The following JCAD variants were observed in gnomAD, a reference collection of about 807,000 sequenced individuals.
JCAD encodes junctional cadherin 5 associated.
A neutral mutation model predicts 98.0 loss-of-function variants in JCAD; 40 were observed. The ratio of observed to expected loss-of-function variants is 0.41; its 90% CI spans 0.32 to 0.53. The LOEUF is 0.53. Among genes scored for constraint, JCAD ranks in the 20% least tolerant of loss-of-function variants. The probability of loss-of-function intolerance (pLI) is 0.31; values close to 1 mark genes in which losing one functional copy is unlikely to be tolerated. For synonymous variants in JCAD, 691 were observed against 682.3 expected, an observed-to-expected ratio of 1.01 and a Z score of -0.20; for missense variants, 1,705 against 1,738.1, an observed-to-expected ratio of 0.98 and a Z score of 0.34.
chr10:30,093,964 G>A (rs1449952645), intron 1 of JCAD, among the ~76,000 whole-genome samples: 1 of 152,206 alleles, frequency 6.6e-6, no homozygotes, highest in Non-Finnish European at 1.5e-5. Context: ...TAAAGAGGTT[G>A]GGGCCTTCAT....
intron 3 of JCAD, among the ~76,000 whole-genome samples, chr10:30,024,719 G>A (rs754674901): frequency 3.6e-5 from 5 of 138,068 alleles, no homozygotes; most frequent in Admixed American, 1.5e-4. Flanking sequence ...TTTTTGAGAC[G>A]GAGTCTTGCT....
chr10:30,067,065 G>A (rs532957247), intron 2 of JCAD, among the ~76,000 whole-genome samples: 1 of 152,002 alleles, frequency 6.6e-6, no homozygotes, highest in East Asian at 1.9e-4. Context: ...AGTTACTCAG[G>A]AGGCTGAGGT....
intron 1 of JCAD, among the ~76,000 whole-genome samples, chr10:30,106,284 A>T (rs1314848151): frequency 6.6e-6 from 1 of 152,114 alleles, no homozygotes; most frequent in Non-Finnish European, 1.5e-5. Context: ...ATAAAAAATT[A>T]ACTGGGCATG....
At chr10:30,094,247 A>T (rs1171749155) in intron 1 of JCAD, among the ~76,000 whole-genome samples, 1 of 151,672 alleles carries the variant, frequency 6.6e-6, no homozygotes, top group African/African-American at 2.4e-5. Context: ...TTCGAGACCA[A>T]CCTGGCCAAA....
intron 1 of JCAD, among the ~76,000 whole-genome samples, chr10:30,105,876 A>G (rs1838569448): frequency 6.6e-6 from 1 of 152,182 alleles, no homozygotes; most frequent in African/African-American, 2.4e-5. Flanking sequence ...TGATTTTACA[A>G]TTTATGTGTA....
chr10:30,049,734 T>A (rs1361227193), intron 1 of JCAD, among the ~76,000 whole-genome samples: 1 of 152,126 alleles, frequency 6.6e-6, no homozygotes, highest in Non-Finnish European at 1.5e-5. Context: ...AGTTCCACCA[T>A]GGGAGGGATT....
upstream of JCAD, among the ~76,000 whole-genome samples, chr10:30,062,909 G>T (rs893202603): frequency 6.6e-6 from 1 of 152,208 alleles, no homozygotes; most frequent in Non-Finnish European, 1.5e-5. Flanking sequence ...AGGTTGAAAA[G>T]ATGCATGAGT....
chr10:30,029,413 T>G lies in JCAD; in HGVS notation c.735A>C (p.Glu245Asp), dbSNP rs1419086920. ...VLSPESLSCTEIPIPLNERHS... is the reference protein window; with the variant it reads ...VLSPESLSCTDIPIPLNERHS... Reference sequence around the variant, plus strand: ...GTCTTTCATTTAATGGAATGGGAATTTCCGTGCAACTCAGGCTCTCGGGGG... The same window carrying G: ...GTCTTTCATTTAATGGAATGGGAATGTCCGTGCAACTCAGGCTCTCGGGGG... The change falls in exon 3 of 4, where the codon GAA becomes GAC. Residue 245 changes from glutamate (E) to aspartate (D), a missense_variant. Coordinates refer to ENST00000375377, the MANE Select transcript of JCAD (RefSeq NM_020848.4). 3 of 1,613,902 alleles carry G rather than the reference T, an allele frequency of 1.9e-6. No homozygotes were observed. In the Admixed American group the frequency reaches 5.0e-5, roughly 27 times the overall value.
At chr10:30,054,921 G>A (rs906132677) in intron 1 of JCAD, among the ~76,000 whole-genome samples, 3 of 151,962 alleles carry the variant, frequency 2.0e-5, no homozygotes, top group East Asian at 1.9e-4. Context: ...CGCCCGCCTC[G>A]GCCTCCCAAA....
intron 2 of JCAD, among the ~76,000 whole-genome samples, chr10:30,037,854 C>T (rs187309562): frequency 4.0e-5 from 6 of 150,326 alleles, no homozygotes; most frequent in East Asian, 2.0e-4. Context: ...CCCCTGAAGT[C>T]GCAGTTCCTC....
intron 2 of JCAD, chr10:30,044,776 A>T: frequency 1.0e-6 from 1 of 976,162 alleles, no homozygotes; most frequent in Non-Finnish European, 1.2e-6. Flanking sequence ...ATTCTCCTTC[A>T]TGCCTACCTT....
chr10:30,088,468 C>G (rs1286821451), intron 1 of JCAD, among the ~76,000 whole-genome samples: 1 of 152,094 alleles, frequency 6.6e-6, no homozygotes, highest in Non-Finnish European at 1.5e-5. Flanking sequence ...GATCGGTCAG[C>G]TTAGTGTTCA....
intron 2 of JCAD, among the ~76,000 whole-genome samples, chr10:30,045,514 A>G (rs1447085072): frequency 6.6e-6 from 1 of 152,226 alleles, no homozygotes; most frequent in Admixed American, 6.5e-5. Flanking sequence ...GTACCTTGAT[A>G]TCCAAGTTGG....
chr10:30,092,888 G>A (rs1838308024), intron 1 of JCAD, among the ~76,000 whole-genome samples: 1 of 152,066 alleles, frequency 6.6e-6, no homozygotes, highest in Non-Finnish European at 1.5e-5. Context: ...TTTCTGCTTG[G>A]TACCTCTGGA....
intron 3 of JCAD, among the ~76,000 whole-genome samples, chr10:30,020,774 G>C (rs1836646241): frequency 6.6e-6 from 1 of 152,192 alleles, no homozygotes; most frequent in Non-Finnish European, 1.5e-5. Flanking sequence ...CATTCTGAGA[G>C]GGTCCTCCTG....
At chr10:30,039,917 G>T (rs74132237) in intron 2 of JCAD, among the ~76,000 whole-genome samples, 16,635 of 152,254 alleles carry the variant, frequency 0.11, 2,418 homozygotes, top group African/African-American at 0.33. Context: ...TGGGAGGAAT[G>T]AAATGAGATG....
At chr10:30,051,770 G>A (rs1837476690) in intron 1 of JCAD, among the ~76,000 whole-genome samples, 1 of 152,136 alleles carries the variant, frequency 6.6e-6, no homozygotes, top group African/African-American at 2.4e-5. Context: ...AACATGCACA[G>A]GGGGCTGGCA....
At chr10:30,096,868 C>T (rs1355618313) in intron 1 of JCAD, among the ~76,000 whole-genome samples, 4 of 152,140 alleles carry the variant, frequency 2.6e-5, no homozygotes, top group African/African-American at 9.7e-5. Flanking sequence ...AGCTTCGAGT[C>T]CATTTCTCTG....
chr10:30,062,902 T>C (rs1837723007), upstream of JCAD, among the ~76,000 whole-genome samples: 1 of 152,112 alleles, frequency 6.6e-6, no homozygotes, highest in Non-Finnish European at 1.5e-5. Context: ...GAGAGTAAGG[T>C]TGAAAAGATG....
Sources: gnomAD v4.1 joint callset for allele counts (sites outside exome capture counted in the v4.1 genomes callset) on GRCh38, gnomAD v4.1.1 for gene constraint, MANE v1.5 for transcripts, NCBI Gene and HGNC (gene_info 2026-07-23, HGNC 2026-07-21) for gene names.